The following THOC1 variants were observed in gnomAD, a reference collection of about 807,000 sequenced individuals.
THOC1 encodes THO complex 1.
THOC1 carries 29 observed loss-of-function variants against 97.3 expected under a neutral mutation model. That is an observed-to-expected ratio of 0.30 (90% CI 0.22 to 0.41). The LOEUF is 0.41. Ranked by LOEUF, THOC1 falls within the 10% of genes least tolerant of loss-of-function variation. THOC1 has a pLI of 1.00. For missense variants in THOC1, 529 were observed against 761.9 expected (o/e 0.69, Z 3.60); for synonymous variants, 255 against 257.0 (o/e 0.99, Z 0.07).
At chr18:216,301 C>T in intron 19 of THOC1, 185 bp downstream of exon 19, 1 of 676,420 alleles carries the variant, frequency 1.5e-6, no homozygotes, top group Admixed American at 2.7e-5. Context: ...TCAGTTACTT[C>T]TTTATCAACT....
chr18:221,417 ATTTTTTCC>A (rs1364538867), intron 17 of THOC1, among the ~76,000 whole-genome samples: 1 of 151,732 alleles, frequency 6.6e-6, no homozygotes. Context: ...GTATATTTCT[ATTTTTTCC>A]TTTTATCTTT....
chr18:252,507 T>C (rs1311679795), intron 9 of THOC1, 32 bp downstream of exon 9: 1 of 1,534,418 alleles, frequency 6.5e-7, no homozygotes. Flanking sequence ...ATTATCTCTG[T>C]AAATCAAAAA....
At position 264,043 on chromosome 18, in the gene THOC1, A is replaced by T; in HGVS notation, c.239T>A (p.Ile80Asn). 1 of 1,612,312 alleles carries T rather than the reference A, an allele frequency of 6.2e-7. No homozygotes were observed. Among genetic ancestry groups the T allele is most frequent in the Non-Finnish European group, 8.5e-7 (1 of 1,178,740 alleles). ...ENVLAIISLA[I>N]GGVTEGICTA... ...ATACTTACCTTCAGTTACTCCCCCA[A>T]TAGCAAGAGAAATAATAGCTAAAAC... Residue 80 changes from isoleucine to asparagine, a missense_variant, in exon 4 of 21, where the codon ATT becomes AAT. By Grantham distance (149) the Ile-to-Asn change is moderately radical. Around this residue, in one of 8 missense-constraint regions of THOC1, gnomAD observed 114 missense variants for 97.4 expected, o/e 1.17. Transcript: ENST00000261600.
chr18:241,836 T>TA (rs1393794244), intron 11 of THOC1, among the ~76,000 whole-genome samples: 4 of 152,198 alleles, frequency 2.6e-5, no homozygotes, highest in South Asian at 4.1e-4. Flanking sequence ...GTTGAACAAT[T>TA]AGAGGTAAAA....
chr18:244,241 CTTTT>C (rs2143242806), intron 11 of THOC1: 1 of 152,008 alleles, frequency 6.6e-6, no homozygotes, highest in East Asian at 1.9e-4. Flanking sequence ...TCATTCATGA[CTTTT>C]TTGTGTTTAT....
intron 4 of THOC1, among the ~76,000 whole-genome samples, chr18:263,002 G>A (rs1404396238): frequency 6.6e-6 from 1 of 152,126 alleles, no homozygotes; most frequent in Non-Finnish European, 1.5e-5. Flanking sequence ...GTCTTCTAAA[G>A]CTATCACACA....
intron 19 of THOC1, 78 bp downstream of exon 19, chr18:216,407 GT>G: frequency 6.7e-7 from 1 of 1,490,658 alleles, no homozygotes; most frequent in Non-Finnish European, 9.1e-7. Flanking sequence ...GATTAAGTCA[GT>G]TTTTTGCTCA....
chr18:246,588 A>AATAC (rs1912095890), intron 10 of THOC1, 133 bp from the exon 11 acceptor site: 1 of 660,714 alleles, frequency 1.5e-6, no homozygotes, highest in East Asian at 3.0e-5. Context: ...GCACACTAAC[A>AATAC]ATACAAATTA....
chr18:266,136 T>C (rs1278821434), intron 1 of THOC1, among the ~76,000 whole-genome samples: 2 of 152,232 alleles, frequency 1.3e-5, no homozygotes, highest in Non-Finnish European at 2.9e-5. Context: ...TGACAATCTG[T>C]AGATTGTTTT....
At chr18:251,045 T>C (rs1912262090) in intron 9 of THOC1, among the ~76,000 whole-genome samples, 1 of 152,204 alleles carries the variant, frequency 6.6e-6, no homozygotes, top group African/African-American at 2.4e-5. Flanking sequence ...AGACACTGAA[T>C]AGACAATATT....
chr18:229,220 T>G (rs1911398839), intron 11 of THOC1, among the ~76,000 whole-genome samples: 5 of 152,154 alleles, frequency 3.3e-5, no homozygotes, highest in Admixed American at 1.3e-4. Context: ...AACCTATTCT[T>G]TCCAAGCTCC....
chr18:217,273 T>C (rs914650968), intron 18 of THOC1, among the ~76,000 whole-genome samples: 5 of 152,226 alleles, frequency 3.3e-5, no homozygotes, highest in Admixed American at 6.5e-5. Context: ...AAACTACCCA[T>C]AGACACTGGG....
intron 5 of THOC1, 94 bp downstream of exon 5, chr18:260,092 A>C (rs1912556370): frequency 1.1e-5 from 8 of 761,568 alleles, no homozygotes; most frequent in Non-Finnish European, 1.5e-5. Context: ...GCATTCAGCA[A>C]TACTACAAAT....
intron 17 of THOC1, among the ~76,000 whole-genome samples, chr18:221,606 CTTTTTTT>C (rs369952039): frequency 9.0e-6 from 1 of 110,952 alleles, no homozygotes; most frequent in Non-Finnish European, 1.8e-5. Flanking sequence ...ATAGATGGAT[CTTTTTTT>C]TTTTTTTTTT....
In THOC1 at chr18:215,427, A is replaced by T. The variant is rs759319057; in HGVS notation, c.1678+2T>A. On this transcript the variant is annotated splice_donor_variant, in intron 20 of 20. Transcript: ENST00000261600. LOFTEE classifies it high-confidence loss of function. ...AAATAACCAAGAAAATTCAGTTCTT[A>T]CTTTCATTTTCCTTCAGTAGAGCAT... The T allele has an allele frequency of 3.1e-6, 5 of 1,611,596 alleles. No homozygotes were observed. The highest frequency in any genetic ancestry group is 2.2e-5 in the East Asian group (1 of 44,856).
At chr18:225,727 T>C (rs911680071) in intron 12 of THOC1, 3 of 225,584 alleles carry the variant, frequency 1.3e-5, no homozygotes, top group South Asian at 1.1e-4. Flanking sequence ...TATTAAGATA[T>C]GTGTATACAT....
intron 15 of THOC1, 110 bp from the exon 16 acceptor site, chr18:224,289 T>G: frequency 2.2e-6 from 2 of 894,902 alleles, no homozygotes; most frequent in East Asian, 2.9e-5. Context: ...TTAAAAAAGA[T>G]GAAAACTGGC....
intron 11 of THOC1, among the ~76,000 whole-genome samples, chr18:239,407 C>T (rs766436159): frequency 6.6e-5 from 10 of 152,150 alleles, no homozygotes; most frequent in Non-Finnish European, 1.3e-4. Flanking sequence ...TAGGTTTACG[C>T]AATTCTCCTA....
intron 4 of THOC1, chr18:261,108 T>C (rs541419023): frequency 8.1e-4 from 123 of 152,318 alleles, no homozygotes; most frequent in African/African-American, 2.8e-3. Context: ...AATAACAGTA[T>C]TGTTTCAGGG....
Sources: gnomAD v4.1 joint callset for allele counts (sites outside exome capture counted in the v4.1 genomes callset) on GRCh38, gnomAD v4.1.1 for gene constraint, gnomAD v4.1.1 regional missense constraint, MANE v1.5 for transcripts, NCBI Gene and HGNC (gene_info 2026-07-23, HGNC 2026-07-21) for gene names.